Variants in LIPA observed in about 807,000 individuals in gnomAD.
LIPA encodes lipase A, lysosomal acid type, also known as lysosomal acid lipase/cholesteryl ester hydrolase.
A neutral mutation model predicts 40.6 loss-of-function variants in LIPA; 26 were observed. The observed-to-expected ratio is 0.64, with a 90% confidence interval of 0.47 to 0.89. The LOEUF is 0.89. LIPA is among the 40% of genes least tolerant of loss of function. LIPA has a pLI of 0.00. For missense variants in LIPA, 455 were observed against 479.6 expected (o/e 0.95, Z 0.48); for synonymous variants, 188 against 168.4 (o/e 1.12, Z -0.90).
intron 3 of LIPA, 44 bp downstream of exon 3, chr10:89,245,632 A>T (rs767598770): frequency 2.0e-6 from 2 of 996,764 alleles, no homozygotes; most frequent in East Asian, 4.8e-5. Flanking sequence ...CTAACACAAA[A>T]CCCAGAAGAA....
chr10:89,249,697 A>G (rs909123429), intron 1 of LIPA, among the ~76,000 whole-genome samples: 3 of 152,234 alleles, frequency 2.0e-5, no homozygotes, highest in African/African-American at 7.2e-5. Flanking sequence ...TCTAATCTAT[A>G]TTCACAGAAA....
intron 1 of LIPA, among the ~76,000 whole-genome samples, chr10:89,273,081 C>G (rs750688461): frequency 4.6e-5 from 7 of 152,222 alleles, no homozygotes; most frequent in Non-Finnish European, 1.0e-4. Flanking sequence ...GTTATAAACA[C>G]TAGCTACAAC....
chr10:89,330,059 C>T (rs1843635081), intron 1 of LIPA, among the ~76,000 whole-genome samples: 1 of 152,112 alleles, frequency 6.6e-6, no homozygotes, highest in South Asian at 2.1e-4. Flanking sequence ...AAGGCAGGAA[C>T]AGGCCATTTT....
chr10:89,278,972 A>T (rs943997537), intron 1 of LIPA, among the ~76,000 whole-genome samples: 1 of 152,210 alleles, frequency 6.6e-6, no homozygotes, highest in Non-Finnish European at 1.5e-5. Context: ...AAACATACAG[A>T]ATGGTAACAG....
Position 89,214,901 on chromosome 10 carries a change from T to A in LIPA, c.1127A>T (p.Asp376Val). The A allele has an allele frequency of 6.2e-7, 1 of 1,614,062 alleles. No individual in the cohort carries two copies. ...HESIPEWEHL[D>V]FIWGLDAPWR... ...AGGGGCATCCAGGCCCCAAATGAAG[T>A]CAAGATGCTCCCATTCCGGAATGCT... The change falls in exon 10 of 10, where the codon GAC (aspartate) becomes GTC (valine). Residue 376 changes from aspartate (D) to valine (V), a missense_variant. By Grantham distance (152) the Asp-to-Val change is radical. Transcript: ENST00000336233.
At chr10:89,230,210 T>G (rs1202798986) in intron 3 of LIPA, among the ~76,000 whole-genome samples, 1 of 152,142 alleles carries the variant, frequency 6.6e-6, no homozygotes, top group Non-Finnish European at 1.5e-5. Context: ...CAGGCCTTCT[T>G]CTCAGCACTG....
At chr10:89,361,108 A>C (rs1238537165) in intron 2 of LIPA, among the ~76,000 whole-genome samples, 1 of 152,116 alleles carries the variant, frequency 6.6e-6, no homozygotes, top group Non-Finnish European at 1.5e-5. Context: ...CCCTATTTCT[A>C]AATAAGGTCA....
At chr10:89,366,943 A>T (rs910287134) in intron 2 of LIPA, among the ~76,000 whole-genome samples, 63 of 152,218 alleles carry the variant, frequency 4.1e-4, no homozygotes, top group Admixed American at 2.7e-3. Flanking sequence ...CATCAATGAT[A>T]GACTGGATTA....
chr10:89,222,636 G>T, intron 7 of LIPA, 54 bp from the exon 8 acceptor site: 1 of 1,113,602 alleles, frequency 9.0e-7, no homozygotes, highest in Non-Finnish European at 1.4e-6. Flanking sequence ...AGGTGGCATT[G>T]ATAATAAACA....
At chr10:89,367,292 G>T (rs913034789) in intron 2 of LIPA, among the ~76,000 whole-genome samples, 1 of 152,042 alleles carries the variant, frequency 6.6e-6, no homozygotes, top group Non-Finnish European at 1.5e-5. Flanking sequence ...CCTGCACGTT[G>T]TGCACATGTA....
intron 2 of LIPA, among the ~76,000 whole-genome samples, chr10:89,390,228 C>T (rs983260033): frequency 4.6e-5 from 7 of 152,072 alleles, no homozygotes; most frequent in Admixed American, 2.0e-4. Flanking sequence ...TCAGGTGATC[C>T]GCCCGTCTTG....
At chr10:89,358,828 A>C (rs1844003546) in intron 2 of LIPA, among the ~76,000 whole-genome samples, 1 of 152,214 alleles carries the variant, frequency 6.6e-6, no homozygotes, top group Admixed American at 6.5e-5. Flanking sequence ...CAAAAATGTC[A>C]TTAAATAGAA....
At chr10:89,414,669 G>C (rs1334318982), upstream of LIPA, 2 of 1,069,610 alleles carry the variant, frequency 1.9e-6, no homozygotes, top group South Asian at 1.7e-5. Context: ...CCGAGTCCAG[G>C]GGCTGCAGAG....
At chr10:89,240,003 T>C (rs1842946995) in intron 3 of LIPA, among the ~76,000 whole-genome samples, 1 of 152,196 alleles carries the variant, frequency 6.6e-6, no homozygotes, top group Non-Finnish European at 1.5e-5. Context: ...GCTTCACAGT[T>C]GAGCGAATTT....
intron 2 of LIPA, among the ~76,000 whole-genome samples, chr10:89,367,465 T>A (rs377704224): frequency 6.6e-6 from 1 of 152,248 alleles, no homozygotes. Context: ...ACAAGATGGC[T>A]ATAGTTTCCC....
chr10:89,297,133 C>T (rs1843419999), intron 1 of LIPA, among the ~76,000 whole-genome samples: 2 of 152,298 alleles, frequency 1.3e-5, no homozygotes, highest in Admixed American at 1.3e-4. Context: ...TATCAAGTGG[C>T]CAGCTTGGCT....
rs767724164 is a variant in LIPA, at chr10:89,383,606, G to A, written c.61+29185C>T. On this transcript the variant is annotated intron_variant, in intron 2 of 8. Transcript: ENST00000371837. The stretch of plus-strand genomic sequence containing the variant: ...GCAGATATTAGAAGTCTGGTGACCT[G>A]GGGCAACTTTGCCTGGGTGTATTAC... 65 of 1,614,094 alleles carry A rather than the reference G, an allele frequency of 4.0e-5. No individual in the cohort carries two copies. In the Admixed American group the frequency reaches 9.8e-4, roughly 24 times the overall value.
At chr10:89,375,960 G>A (rs1844118000) in intron 2 of LIPA, among the ~76,000 whole-genome samples, 1 of 152,026 alleles carries the variant, frequency 6.6e-6, no homozygotes, top group Non-Finnish European at 1.5e-5. Flanking sequence ...GCCAACACAG[G>A]TGCATCACCT....
At chr10:89,378,685 A>G (rs1844139877) in intron 2 of LIPA, among the ~76,000 whole-genome samples, 1 of 152,246 alleles carries the variant, frequency 6.6e-6, no homozygotes, top group African/African-American at 2.4e-5. Context: ...CCATAGAGTC[A>G]GCTTCCAAGC....
Sources: allele counts gnomAD v4.1 joint callset (sites outside exome capture counted in the v4.1 genomes callset), GRCh38; gene constraint gnomAD v4.1.1; transcripts MANE v1.5; gene names NCBI Gene and HGNC (gene_info 2026-07-23, HGNC 2026-07-21).